Variants in ST8SIA6 observed in about 807,000 individuals in gnomAD.
ST8SIA6 encodes the protein alpha-2,8-sialyltransferase 8F.
ST8SIA6 carries 39 observed loss-of-function variants against 33.6 expected under a neutral mutation model. That is an observed-to-expected ratio of 1.16 (90% CI 0.90 to 1.52). The LOEUF is 1.52. Ranked by LOEUF, ST8SIA6 falls within the 40% of genes most tolerant of loss-of-function variation. ST8SIA6 has a pLI of 0.00. For missense variants in ST8SIA6, 441 were observed against 443.8 expected (o/e 0.99, Z 0.06); for synonymous variants, 172 against 167.2 (o/e 1.03, Z -0.22).
At chr10:17,322,263 GAA>G (rs1004763232) in intron 7 of ST8SIA6, among the ~76,000 whole-genome samples, 48 of 150,796 alleles carry the variant, frequency 3.2e-4, no homozygotes, top group Non-Finnish European at 6.6e-4. Context: ...GAAAAAGAGA[GAA>G]AGAAAAGAAG....
intron 2 of ST8SIA6, among the ~76,000 whole-genome samples, chr10:17,435,862 A>G (rs1852238277): frequency 2.0e-5 from 3 of 152,164 alleles, no homozygotes; most frequent in Admixed American, 6.5e-5. Flanking sequence ...AAAAAGTTAC[A>G]TCCTCTCATA....
At chr10:17,396,225 G>T (rs945358226) in intron 2 of ST8SIA6, among the ~76,000 whole-genome samples, 1 of 152,080 alleles carries the variant, frequency 6.6e-6, no homozygotes, top group Non-Finnish European at 1.5e-5. Context: ...CTGACATCTT[G>T]TCACCTGGCA....
At chr10:17,414,283 C>T (rs1246467966) in intron 2 of ST8SIA6, among the ~76,000 whole-genome samples, 1 of 152,184 alleles carries the variant, frequency 6.6e-6, no homozygotes, top group Non-Finnish European at 1.5e-5. Flanking sequence ...CCTGGCAGTC[C>T]TACTATGTTT....
chr10:17,439,263 T>C (rs1852384810), intron 2 of ST8SIA6, among the ~76,000 whole-genome samples: 2 of 146,994 alleles, frequency 1.4e-5, no homozygotes, highest in Non-Finnish European at 3.0e-5. Flanking sequence ...TCTGTGCTTC[T>C]TCCCTCTCTT....
At chr10:17,326,032 G>A (rs1257254456) in intron 6 of ST8SIA6, among the ~76,000 whole-genome samples, 1 of 152,124 alleles carries the variant, frequency 6.6e-6, no homozygotes, top group African/African-American at 2.4e-5. Context: ...TGAACAAAAT[G>A]TGTAAACCAT....
At chr10:17,428,688 A>G (rs980277842) in intron 2 of ST8SIA6, among the ~76,000 whole-genome samples, 1 of 152,110 alleles carries the variant, frequency 6.6e-6, no homozygotes, top group African/African-American at 2.4e-5. Flanking sequence ...CGCAGAGGCC[A>G]GACAGAAGAA....
chr10:17,442,625 A>C lies in ST8SIA6; in HGVS notation c.200+10934T>G, dbSNP rs538387239. ...GTGATCATTAATCTCCAAATTATTT[A>C]TTTGAAAAAATTCTCCTAAGTACAA... On this transcript the variant is annotated intron_variant, in intron 2 of 7. Transcript: ENST00000377602. Among the ~76,000 whole-genome samples, 18 of 152,308 alleles carry C rather than the reference A, an allele frequency of 1.2e-4. 1 individual carries two copies. The highest frequency in any genetic ancestry group is 4.3e-4 in the African/African-American group (18 of 41,566).
chr10:17,327,027 C>G lies in ST8SIA6; in HGVS notation c.622G>C (p.Asp208His). ...GTCAGGTCTTACCTAAAAACGAAGT[C>G]GGATTTATCTATTTCAGTTCCACAG... is the stretch of plus-strand genomic sequence containing the variant. The part of the protein sequence containing the change: ...SLCGTEIDKS[D>H]FVFRCNLPPT... The change falls in exon 6 of 8, where the codon GAC becomes CAC. Residue 208 changes from aspartate to histidine, a missense_variant. Physicochemically the swap from Asp to His is moderately conservative, Grantham distance 81 (BLOSUM62 -1). Coordinates refer to ENST00000377602, the MANE Select transcript of ST8SIA6 (RefSeq NM_001004470.3). The G allele has an allele frequency of 6.3e-7, 1 of 1,596,070 alleles. No homozygotes were observed. Among genetic ancestry groups the G allele is most frequent in the Non-Finnish European group, 8.5e-7 (1 of 1,173,508 alleles).
At chr10:17,421,136 C>T (rs61842138) in intron 2 of ST8SIA6, among the ~76,000 whole-genome samples, 8,876 of 152,276 alleles carry the variant, frequency 0.058, 331 homozygotes, top group Non-Finnish European at 0.083. Context: ...AAACATATCA[C>T]AGCTCCTGAG....
intron 2 of ST8SIA6, among the ~76,000 whole-genome samples, chr10:17,436,700 A>G (rs1852273059): frequency 6.6e-6 from 1 of 151,480 alleles, no homozygotes; most frequent in Non-Finnish European, 1.5e-5. Flanking sequence ...AAGGACATGA[A>G]CTCATCATTT....
chr10:17,329,200 C>T (rs1210394678), intron 5 of ST8SIA6, among the ~76,000 whole-genome samples: 2 of 152,172 alleles, frequency 1.3e-5, no homozygotes, highest in East Asian at 1.9e-4. Flanking sequence ...GCAAGAGGCA[C>T]TATTTCAAGT....
intron 2 of ST8SIA6, among the ~76,000 whole-genome samples, chr10:17,397,958 A>G (rs1424709663): frequency 6.6e-6 from 1 of 152,248 alleles, no homozygotes; most frequent in Admixed American, 6.5e-5. Context: ...TGATCACTTT[A>G]CAAGCCCCAC....
intron 2 of ST8SIA6, chr10:17,408,338 A>T (rs1194600844): frequency 6.6e-6 from 1 of 152,468 alleles, no homozygotes; most frequent in Admixed American, 6.6e-5. Flanking sequence ...CTTTTTCTCA[A>T]CCAAAAAAAG....
chr10:17,380,861 A>ATGTG (rs1422491526), intron 3 of ST8SIA6, among the ~76,000 whole-genome samples: 9 of 150,084 alleles, frequency 6.0e-5, no homozygotes, highest in South Asian at 2.1e-4. Flanking sequence ...GTTTGTGTGT[A>ATGTG]TGTGTTTGTA....
intron 2 of ST8SIA6, among the ~76,000 whole-genome samples, chr10:17,434,484 TAA>T (rs1852191715): frequency 6.6e-6 from 1 of 152,216 alleles, no homozygotes; most frequent in African/African-American, 2.4e-5. Flanking sequence ...GACTGTGTGC[TAA>T]GAGTCAGTAC....
Position 17,350,230 on chromosome 10 carries a change from A to G in ST8SIA6, c.377+9284T>C, listed in dbSNP as rs117943412. Among the ~76,000 whole-genome samples the G allele has an allele frequency of 5.2e-3, 785 of 152,358 alleles. 3 individuals are homozygous for G. Among genetic ancestry groups the G allele is most frequent in the Admixed American group, 0.013 (196 of 15,304 alleles). Reference sequence around the variant, plus strand: ...GGTCATGGAATAAGTAGAAGGTACTATGAAAGAGTAGGTATAGACAGCTCC... The same window carrying G: ...GGTCATGGAATAAGTAGAAGGTACTGTGAAAGAGTAGGTATAGACAGCTCC... On this transcript the variant is annotated intron_variant, in intron 4 of 7. Transcript: ENST00000377602.
chr10:17,342,523 G>A (rs572724777), intron 4 of ST8SIA6, among the ~76,000 whole-genome samples: 1 of 152,270 alleles, frequency 6.6e-6, no homozygotes, highest in South Asian at 2.1e-4. Flanking sequence ...GAGATCAGAG[G>A]GAAGAAAGCC....
At position 17,318,735 on chromosome 10, in the gene ST8SIA6, T is replaced by C. The variant is rs1203092398; in HGVS notation, c.*2143A>G. 1 of 470,490 alleles carries C rather than the reference T, an allele frequency of 2.1e-6. No homozygotes were observed. The highest frequency in any genetic ancestry group is 4.4e-6 in the Non-Finnish European group (1 of 227,076). The allele number at this position is 470,490 out of a possible 1,614,324, so 29.1% of individuals were successfully genotyped here. On this transcript the variant is annotated 3_prime_UTR_variant, in exon 8 of 8. Coordinates refer to ENST00000377602, the MANE Select transcript of ST8SIA6 (RefSeq NM_001004470.3). ...TATAGTTTTTCTTTTTGTTTTGCAC[T>C]TGGTGAAAAATTTGCAATGATTCAC... is the stretch of plus-strand genomic sequence containing the variant.
intron 2 of ST8SIA6, among the ~76,000 whole-genome samples, chr10:17,413,880 C>T (rs1390592105): frequency 2.0e-5 from 3 of 152,126 alleles, no homozygotes; most frequent in African/African-American, 7.2e-5. Context: ...TGGAATAATC[C>T]TGTGAAGTGG....
Sources: gnomAD v4.1 joint callset for allele counts (sites outside exome capture counted in the v4.1 genomes callset) on GRCh38, gnomAD v4.1.1 for gene constraint, MANE v1.5 for transcripts, NCBI Gene and HGNC (gene_info 2026-07-23, HGNC 2026-07-21) for gene names.